Variants in COL23A1 observed in about 807,000 individuals in gnomAD.
COL23A1 encodes collagen alpha-1(XXIII) chain.
Under a neutral mutation model 99.3 loss-of-function variants are expected in COL23A1, and 97 were observed. That is an observed-to-expected ratio of 0.98 (90% CI 0.83 to 1.16). The LOEUF is 1.16. COL23A1 is among the 50% of genes most tolerant of loss of function. The pLI, the probability that COL23A1 is intolerant of heterozygous loss-of-function variation, is 0.00. For synonymous variants in COL23A1, 320 were observed against 308.2 expected, an observed-to-expected ratio of 1.04 and a Z score of -0.40; for missense variants, 762 against 757.4, an observed-to-expected ratio of 1.01 and a Z score of -0.07.
chr5:178,447,167 C>G (rs985898659), intron 2 of COL23A1, among the ~76,000 whole-genome samples: 1 of 151,682 alleles, frequency 6.6e-6, no homozygotes, highest in Non-Finnish European at 1.5e-5. Context: ...AATCTCAGCT[C>G]ACTGCAACCT....
chr5:178,373,820 G>T (rs1306686366), intron 2 of COL23A1, among the ~76,000 whole-genome samples: 1 of 152,164 alleles, frequency 6.6e-6, no homozygotes, highest in Non-Finnish European at 1.5e-5. Context: ...CGTCCCAGGG[G>T]GCTGCCTCCC....
intron 2 of COL23A1, among the ~76,000 whole-genome samples, chr5:178,442,515 C>CCCT (rs1427277769): frequency 6.6e-6 from 1 of 152,200 alleles, no homozygotes; most frequent in Non-Finnish European, 1.5e-5. Flanking sequence ...CCGAGCGTCT[C>CCCT]CCTCCCTGAC....
At chr5:178,386,648 G>A (rs749640792) in intron 2 of COL23A1, among the ~76,000 whole-genome samples, 35 of 152,132 alleles carry the variant, frequency 2.3e-4, no homozygotes, top group Non-Finnish European at 4.3e-4. Flanking sequence ...GAACTCCCCC[G>A]CCCCCACAGC....
At chr5:178,314,681 A>G (rs372814054) in intron 2 of COL23A1, among the ~76,000 whole-genome samples, 1 of 152,220 alleles carries the variant, frequency 6.6e-6, no homozygotes, top group Non-Finnish European at 1.5e-5. Context: ...TCGAGTGTCA[A>G]CTTTACACTT....
At chr5:178,432,783 G>C (rs753855565) in intron 2 of COL23A1, among the ~76,000 whole-genome samples, 1 of 152,098 alleles carries the variant, frequency 6.6e-6, no homozygotes, top group Non-Finnish European at 1.5e-5. Context: ...GCCTGCCTGG[G>C]ACAAGTGCCC....
intron 2 of COL23A1, among the ~76,000 whole-genome samples, chr5:178,379,639 T>C (rs776222921): frequency 6.6e-6 from 1 of 152,132 alleles, no homozygotes; most frequent in Admixed American, 6.5e-5. Context: ...CCCAGGACTT[T>C]GGGAGGCCGA....
intron 2 of COL23A1, among the ~76,000 whole-genome samples, chr5:178,377,645 G>T (rs1308094266): frequency 1.3e-5 from 2 of 152,178 alleles, no homozygotes. Context: ...CTGGACCTTC[G>T]ATCTTCAGGG....
chr5:178,589,197 G>A lies in COL23A1; in HGVS notation c.294+707C>T, dbSNP rs1469033056. Among the ~76,000 whole-genome samples, 1 of 152,142 alleles carries A rather than the reference G, an allele frequency of 6.6e-6. No homozygotes were observed. On this transcript the variant is annotated intron_variant, in intron 1 of 28. Transcript: ENST00000390654. The surrounding 1 kb of genome is among the most constrained non-coding windows in gnomAD (Gnocchi z 5.4). ...CTTTCAAGTAAGCTGTGGAAGTCGC[G>A]ATTCCCAGGTAAGGGACGGGAAACT...
At chr5:178,453,898 G>GA (rs1321612096) in intron 2 of COL23A1, among the ~76,000 whole-genome samples, 1 of 151,992 alleles carries the variant, frequency 6.6e-6, no homozygotes, top group African/African-American at 2.4e-5. Flanking sequence ...TAACATAAAA[G>GA]AAAAAAATAG....
intron 2 of COL23A1, among the ~76,000 whole-genome samples, chr5:178,500,353 C>T (rs896318357): frequency 1.4e-5 from 2 of 139,294 alleles, no homozygotes; most frequent in Admixed American, 8.1e-5. Flanking sequence ...TTTGGGAAGC[C>T]GAGGCGGGAG....
At position 178,387,621 on chromosome 5, in the gene COL23A1, T is replaced by A. The variant is rs1205001674; in HGVS notation, c.362-80702A>T. Among the ~76,000 whole-genome samples, 2 of 152,088 alleles carry A rather than the reference T, an allele frequency of 1.3e-5. No individual in the cohort carries two copies. The highest frequency in any genetic ancestry group is 2.9e-5 in the Non-Finnish European group (2 of 68,014). The stretch of plus-strand genomic sequence containing the variant: ...AGCCTCCCCTCCTGGACCAATAACT[T>A]CTAGAGGCTCATGACCATTTACCTT... On this transcript the variant is annotated intron_variant, in intron 2 of 28. Coordinates refer to ENST00000390654, the MANE Select transcript of COL23A1 (RefSeq NM_173465.4). The surrounding 1 kb of genome is among the most constrained non-coding windows in gnomAD (Gnocchi z 4.7).
chr5:178,265,293 G>C lies in COL23A1; in HGVS notation c.523-1969C>G, dbSNP rs116735374. Among the ~76,000 whole-genome samples, 763 of 152,352 alleles carry C rather than the reference G, an allele frequency of 5.0e-3. 3 individuals are homozygous for C. Among genetic ancestry groups the C allele is most frequent in the Non-Finnish European group, 8.1e-3 (548 of 68,034 alleles). ...TGATCAAAATATTACAGCTCCAGCG[G>C]AAAGGAAAGAAAACTGACAGTTTGG... is the stretch of plus-strand genomic sequence containing the variant. On this transcript the variant is annotated intron_variant, in intron 8 of 28. Transcript: ENST00000390654.
chr5:178,335,181 A>C (rs1248601350), intron 2 of COL23A1, among the ~76,000 whole-genome samples: 1 of 152,208 alleles, frequency 6.6e-6, no homozygotes, highest in Non-Finnish European at 1.5e-5. Context: ...AATGTTTCCT[A>C]ATTAAAAATG....
intron 2 of COL23A1, among the ~76,000 whole-genome samples, chr5:178,319,371 T>C (rs1759157981): frequency 6.6e-6 from 1 of 152,236 alleles, no homozygotes; most frequent in African/African-American, 2.4e-5. Flanking sequence ...GGCCAGGATT[T>C]ATTGCTTTCA....
chr5:178,240,297 G>C (rs1251723527), intron 27 of COL23A1, among the ~76,000 whole-genome samples: 1 of 152,228 alleles, frequency 6.6e-6, no homozygotes, highest in Admixed American at 6.5e-5. Context: ...ATATTCCCAT[G>C]TGTACACCAG....
chr5:178,555,025 C>T (rs2113510284), intron 2 of COL23A1, among the ~76,000 whole-genome samples: 1 of 152,254 alleles, frequency 6.6e-6, no homozygotes, highest in Admixed American at 6.5e-5. Flanking sequence ...TAAAAAGGTA[C>T]CACAGACTGT....
intron 2 of COL23A1, among the ~76,000 whole-genome samples, chr5:178,349,740 C>T (rs769181967): frequency 3.9e-5 from 6 of 152,202 alleles, no homozygotes; most frequent in Non-Finnish European, 5.9e-5. Flanking sequence ...TACTGGGGTC[C>T]CCCAACCCTC....
At chr5:178,458,198 A>G (rs923339581) in intron 2 of COL23A1, among the ~76,000 whole-genome samples, 1 of 4,444 alleles carries the variant, frequency 2.3e-4, no homozygotes, top group Non-Finnish European at 3.9e-4. Flanking sequence ...GAACAAACTC[A>G]TTATTTGGAA....
Position 178,307,835 on chromosome 5 carries a change from G to C in COL23A1, c.362-916C>G, listed in dbSNP as rs1758446403. ...CTCACCCACTGTATGCCAGGATCTG[G>C]GCTGGGCCTGGAGGCGACAGTGGGA... On this transcript the variant is annotated intron_variant, in intron 2 of 28. Transcript: ENST00000390654. This position sits in a 1 kb window ranked among gnomAD's most constrained non-coding sequence, Gnocchi z 4.2. Among the ~76,000 whole-genome samples the C allele has an allele frequency of 6.6e-6, 1 of 152,222 alleles. No individual in the cohort carries two copies. The highest frequency in any genetic ancestry group is 2.4e-5 in the African/African-American group (1 of 41,454).
Sources: allele counts gnomAD v4.1 joint callset (sites outside exome capture counted in the v4.1 genomes callset), GRCh38; gene constraint gnomAD v4.1.1; non-coding constraint Gnocchi (gnomAD v3.1); transcripts MANE v1.5; gene names NCBI Gene and HGNC (gene_info 2026-07-23, HGNC 2026-07-21).